PRKD3: variants seen among roughly 807,000 people sequenced by gnomAD.
PRKD3 encodes protein kinase D3, also known as serine/threonine-protein kinase D3.
Under a neutral mutation model 99.2 loss-of-function variants are expected in PRKD3, and 47 were observed. The observed-to-expected ratio is 0.47, with a 90% CI of 0.38 to 0.60. The LOEUF (loss-of-function observed/expected upper bound fraction) is 0.60, where lower values mean the gene tolerates loss of function less well. PRKD3 is among the 20% of genes least tolerant of loss of function. PRKD3 has a pLI of 0.00. For synonymous variants in PRKD3, 392 were observed against 355.4 expected (o/e 1.10, Z -1.16); for missense variants, 1,019 against 1,088.4 (o/e 0.94, Z 0.90).
intron 2 of PRKD3, among the ~76,000 whole-genome samples, chr2:37,303,755 T>A (rs552128771): frequency 1.3e-5 from 2 of 152,306 alleles, no homozygotes; most frequent in South Asian, 2.1e-4. Context: ...TGTACTTTTT[T>A]AAAAAGAAGA....
intron 6 of PRKD3, among the ~76,000 whole-genome samples, chr2:37,285,919 C>G (rs1670072782): frequency 6.6e-6 from 1 of 152,072 alleles, no homozygotes; most frequent in African/African-American, 2.4e-5. Context: ...AAGCATAATT[C>G]ACATACAATT....
chr2:37,319,863 T>C (rs1241996679), intron 1 of PRKD3, among the ~76,000 whole-genome samples: 22 of 152,134 alleles, frequency 1.4e-4, no homozygotes, highest in Non-Finnish European at 1.5e-5. Context: ...TGAATAAGTG[T>C]TAATAGGAGA....
At chr2:37,270,477 G>A (rs1669172432) in intron 12 of PRKD3, among the ~76,000 whole-genome samples, 2 of 151,698 alleles carry the variant, frequency 1.3e-5, no homozygotes, top group African/African-American at 4.8e-5. Flanking sequence ...TTTCCTCACT[G>A]CTCTTCGCCC....
At chr2:37,298,973 T>C (rs1053884754) in intron 2 of PRKD3, among the ~76,000 whole-genome samples, 1 of 150,930 alleles carries the variant, frequency 6.6e-6, no homozygotes, top group Non-Finnish European at 1.5e-5. Context: ...TGAACAAAAG[T>C]TGTGAAAGTG....
chr2:37,257,275 A>G (rs781618245), intron 16 of PRKD3, among the ~76,000 whole-genome samples: 9 of 152,112 alleles, frequency 5.9e-5, no homozygotes, highest in African/African-American at 9.7e-5. Flanking sequence ...TCACTCTTCC[A>G]TCATCTGTGA....
Position 37,279,747 on chromosome 2 carries a change from T to A in PRKD3, c.1171A>T (p.Ser391Cys), listed in dbSNP as rs367741905. 1.3e-5 allele frequency: 21 copies of A among 1,612,070 alleles called. No homozygotes were observed. The highest frequency in any genetic ancestry group is 1.7e-5 in the Non-Finnish European group (20 of 1,179,152). ...GCTTGTAATATGTATATATATTACCTGATTGTTTTAACGGCTTCTTCATCT... is the reference window on the plus strand; with the variant it reads ...GCTTGTAATATGTATATATATTACCAGATTGTTTTAACGGCTTCTTCATCT... ...ERDEEAVKTISPSTSNNIPLM... is the reference protein window; with the variant it reads ...ERDEEAVKTICPSTSNNIPLM... Residue 391 changes from serine (S) to cysteine (C), a missense_variant and splice_region_variant, in exon 8 of 19, where the codon AGT becomes TGT. This residue lies in a region of PRKD3 where 710 missense variants were observed against 692.7 expected (regional missense o/e 1.02). Coordinates refer to ENST00000234179, the MANE Select transcript of PRKD3 (RefSeq NM_005813.6).
At chr2:37,255,617 T>C (rs1161881804) in intron 17 of PRKD3, among the ~76,000 whole-genome samples, 2 of 152,194 alleles carry the variant, frequency 1.3e-5, no homozygotes, top group Non-Finnish European at 2.9e-5. Flanking sequence ...AAGTTCATTC[T>C]AGGTATAAGG....
At chr2:37,273,694 A>C (rs1310652466) in intron 11 of PRKD3, among the ~76,000 whole-genome samples, 2 of 152,274 alleles carry the variant, frequency 1.3e-5, no homozygotes, top group Admixed American at 6.5e-5. Flanking sequence ...CTAAACTAAA[A>C]TAAACTACCT....
chr2:37,277,004 A>C (rs1038151513), intron 9 of PRKD3, among the ~76,000 whole-genome samples: 3 of 152,050 alleles, frequency 2.0e-5, no homozygotes, highest in African/African-American at 7.2e-5. Flanking sequence ...CAAGGATATG[A>C]ACTATAAATA....
rs1355647523 is a variant in PRKD3 at position 37,274,429 on chromosome 2, T to C, written c.1643A>G (p.Lys548Arg). ...AGAAGTTTATTGCTTACTGTGATCT[T>C]TCCCTTGCCCTGGAGAAGTGCAAAC... is the stretch of plus-strand genomic sequence containing the variant. ...ASVCTSPGQGKDHKDLSTSIS... is the reference protein window; with the variant it reads ...ASVCTSPGQGRDHKDLSTSIS... Residue 548 changes from lysine (K) to arginine (R), a missense_variant, in exon 11 of 19, where the codon AAA becomes AGA. Around this residue, in one of 3 missense-constraint regions of PRKD3, gnomAD observed 710 missense variants for 692.7 expected, o/e 1.02. Transcript: ENST00000234179. 1.2e-6 allele frequency: 2 copies of C among 1,613,992 alleles called. No homozygotes were observed. The highest frequency in any genetic ancestry group is 1.7e-5 in the Admixed American group (1 of 60,004).
chr2:37,323,383 C>A (rs1333776816), intron 1 of PRKD3, among the ~76,000 whole-genome samples: 1 of 151,806 alleles, frequency 6.6e-6, no homozygotes, highest in Non-Finnish European at 1.5e-5. Flanking sequence ...GTACTCCAAG[C>A]TCATGCACTC....
intron 2 of PRKD3, among the ~76,000 whole-genome samples, chr2:37,311,071 T>C (rs895714303): frequency 6.6e-6 from 1 of 152,168 alleles, no homozygotes; most frequent in African/African-American, 2.4e-5. Flanking sequence ...GCAGACTCTA[T>C]ATGTGCATAA....
At chr2:37,296,517 A>G (rs1325932177) in intron 2 of PRKD3, among the ~76,000 whole-genome samples, 1 of 152,202 alleles carries the variant, frequency 6.6e-6, no homozygotes, top group East Asian at 1.9e-4. Flanking sequence ...TAAAGGAAAA[A>G]AAAAATGTAA....
chr2:37,320,712 G>A (rs111435632), intron 1 of PRKD3, among the ~76,000 whole-genome samples: 6 of 152,176 alleles, frequency 3.9e-5, no homozygotes, highest in South Asian at 4.2e-4. Flanking sequence ...GATTACAGGC[G>A]TGAGCCACTG....
intron 1 of PRKD3, among the ~76,000 whole-genome samples, chr2:37,322,327 A>G (rs1306756145): frequency 1.3e-5 from 2 of 152,358 alleles, no homozygotes; most frequent in East Asian, 1.9e-4. Flanking sequence ...AATGATTTAT[A>G]TATTTTCAAA....
chr2:37,299,887 A>G (rs1670847130), intron 2 of PRKD3, among the ~76,000 whole-genome samples: 1 of 152,136 alleles, frequency 6.6e-6, no homozygotes, highest in South Asian at 2.1e-4. Context: ...AAAATTAAAG[A>G]TGTTGGTGAG....
At chr2:37,254,366 GT>G in intron 17 of PRKD3, 77 bp from the exon 18 acceptor site, 1 of 1,099,528 alleles carries the variant, frequency 9.1e-7, no homozygotes, top group Non-Finnish European at 1.4e-6. Flanking sequence ...CTAGAAGGCA[GT>G]TCAACCCATA....
chr2:37,271,401 T>TA (rs1206862878), intron 12 of PRKD3, among the ~76,000 whole-genome samples: 8 of 152,198 alleles, frequency 5.3e-5, no homozygotes, highest in Non-Finnish European at 8.8e-5. Context: ...GGTCCATAAA[T>TA]AAAGTTTTAT....
intron 2 of PRKD3, 140 bp downstream of exon 2, chr2:37,316,097 G>A (rs1324771070): frequency 1.2e-6 from 1 of 849,720 alleles, no homozygotes; most frequent in African/African-American, 1.7e-5. Context: ...TTTAGCCTCA[G>A]AGGTCATTAG....
Sources: allele counts gnomAD v4.1 joint callset (sites outside exome capture counted in the v4.1 genomes callset), GRCh38; gene constraint gnomAD v4.1.1; regional missense constraint gnomAD v4.1.1; transcripts MANE v1.5; gene names NCBI Gene and HGNC (gene_info 2026-07-23, HGNC 2026-07-21).